AGBL4: variants seen among roughly 807,000 people sequenced by gnomAD.
AGBL4 encodes the protein cytosolic carboxypeptidase 6.
A neutral mutation model predicts 66.4 loss-of-function variants in AGBL4; 58 were observed. That is an observed-to-expected ratio of 0.87 (90% confidence interval 0.71 to 1.09). The LOEUF (loss-of-function observed/expected upper bound fraction) is 1.09, where lower values mean the gene tolerates loss of function less well. Ranked by LOEUF, AGBL4 falls within the 50% of genes least tolerant of loss-of-function variation. The pLI is 0.00. For synonymous variants in AGBL4, 234 were observed against 222.9 expected, an observed-to-expected ratio of 1.05 and a Z score of -0.44; for missense variants, 579 against 631.0, an observed-to-expected ratio of 0.92 and a Z score of 0.88.
chr1:49,374,944 G>C (rs1644441418), intron 3 of AGBL4, among the ~76,000 whole-genome samples: 1 of 152,192 alleles, frequency 6.6e-6, no homozygotes, highest in African/African-American at 2.4e-5. Context: ...AAATGTTATG[G>C]CAAAGGCAAT....
intron 3 of AGBL4, among the ~76,000 whole-genome samples, chr1:49,391,840 T>C (rs1209463094): frequency 2.6e-5 from 4 of 151,996 alleles, no homozygotes; most frequent in Non-Finnish European, 5.9e-5. Context: ...GGATTACAGG[T>C]GTGAGCCAAC....
rs1646857042 is a variant in AGBL4, at chr1:49,177,667, C to T, written c.377+68103G>A. Among the ~76,000 whole-genome samples the T allele has an allele frequency of 2.6e-5, 4 of 152,124 alleles. No individual in the cohort carries two copies. The South Asian group carries it at 8.3e-4, about 32-fold the overall frequency. On this transcript the variant is annotated intron_variant, in intron 4 of 13. Transcript: ENST00000371839. ...TTCTGCCTGGATGTGCTCTTTTGCA[C>T]AGGACTATTAAGATTATTAAGGCCA...
chr1:48,976,584 C>T (rs988396090), intron 5 of AGBL4, among the ~76,000 whole-genome samples: 3 of 152,158 alleles, frequency 2.0e-5, no homozygotes, highest in Non-Finnish European at 4.4e-5. Context: ...TGGTGTCCTA[C>T]ACAGCATTCA....
chr1:49,646,942 C>T (rs1444224465), intron 3 of AGBL4, among the ~76,000 whole-genome samples: 1 of 151,064 alleles, frequency 6.6e-6, no homozygotes, highest in Non-Finnish European at 1.5e-5. Context: ...ACAGATTGTG[C>T]TAAAACAGTA....
At chr1:49,918,400 G>A (rs1651810778) in intron 1 of AGBL4, among the ~76,000 whole-genome samples, 1 of 151,964 alleles carries the variant, frequency 6.6e-6, no homozygotes, top group Admixed American at 6.6e-5. Flanking sequence ...ATGATAAAGG[G>A]GATATCACCA....
At position 49,648,247 on chromosome 1, in the gene AGBL4, C is replaced by T. The variant is rs142481041; in HGVS notation, c.282+49066G>A. Among the ~76,000 whole-genome samples the T allele has an allele frequency of 8.0e-3, 1,216 of 151,688 alleles. 9 individuals carry two copies. The highest frequency in any genetic ancestry group is 0.031 in the Middle Eastern group (9 of 292). Reference sequence around the variant, plus strand: ...ATACTTTTAATGGGCTTAATATAGGCTGGACACAGCTGAGAAAAGAGCTTC... The same window carrying T: ...ATACTTTTAATGGGCTTAATATAGGTTGGACACAGCTGAGAAAAGAGCTTC... On this transcript the variant is annotated intron_variant, in intron 3 of 13. Coordinates refer to ENST00000371839, the MANE Select transcript of AGBL4 (RefSeq NM_032785.4).
intron 4 of AGBL4, among the ~76,000 whole-genome samples, chr1:49,179,811 C>T (rs1191727342): frequency 1.3e-5 from 2 of 152,210 alleles, no homozygotes; most frequent in African/African-American, 4.8e-5. Flanking sequence ...TTCAGGCTTT[C>T]AGCCACACTG....
At chr1:49,940,422 T>C (rs1303859578) in intron 1 of AGBL4, among the ~76,000 whole-genome samples, 1 of 152,204 alleles carries the variant, frequency 6.6e-6, no homozygotes, top group Non-Finnish European at 1.5e-5. Context: ...TGCGGCATTA[T>C]TCACAATAGC....
chr1:49,658,879 G>A lies in AGBL4; in HGVS notation c.282+38434C>T, dbSNP rs955668738. 1.2e-4 allele frequency among the ~76,000 whole-genome samples: 19 copies of A among 152,076 alleles called. 1 individual carries two copies. The highest frequency in any genetic ancestry group is 1.2e-3 in the East Asian group (6 of 5,142). ...GTTGTGGGGTGGGGGAATGGGGGGA[G>A]GGATAGCATTAGGAGATATACCTAA... On this transcript the variant is annotated intron_variant, in intron 3 of 13. Transcript: ENST00000371839.
At chr1:49,032,399 A>G (rs540808050) in intron 5 of AGBL4, among the ~76,000 whole-genome samples, 1 of 152,266 alleles carries the variant, frequency 6.6e-6, no homozygotes, top group Admixed American at 6.5e-5. Context: ...AATGACAAGG[A>G]GTGGCAGGGG....
At position 48,761,388 on chromosome 1, in the gene AGBL4, A is replaced by G. The variant is rs923580113; in HGVS notation, c.635-98147T>C. On this transcript the variant is annotated intron_variant, in intron 6 of 13. Transcript: ENST00000371839. ...CTTCCCCATAATCTTTAACCTCTCC[A>G]TCTTCTTCTACATGATTAAGAGAAA... is the stretch of plus-strand genomic sequence containing the variant. 10 of 1,551,704 alleles carry G rather than the reference A, an allele frequency of 6.4e-6. No homozygotes were observed. The Middle Eastern group carries it at 5.0e-4, about 77-fold the overall frequency.
chr1:49,421,703 T>C (rs1374515585), intron 3 of AGBL4, among the ~76,000 whole-genome samples: 1 of 152,202 alleles, frequency 6.6e-6, no homozygotes, highest in African/African-American at 2.4e-5. Flanking sequence ...TCTCTTTTAA[T>C]TCTACCTGTA....
chr1:49,377,683 A>G (rs553591081), intron 3 of AGBL4, among the ~76,000 whole-genome samples: 1 of 152,114 alleles, frequency 6.6e-6, no homozygotes, highest in Non-Finnish European at 1.5e-5. Flanking sequence ...GTAGAATATC[A>G]GCTTTTATAT....
At chr1:49,227,889 A>G (rs1312834780) in intron 4 of AGBL4, among the ~76,000 whole-genome samples, 1 of 152,068 alleles carries the variant, frequency 6.6e-6, no homozygotes, top group Non-Finnish European at 1.5e-5. Flanking sequence ...GTTCCTGTTC[A>G]AGAGTCTCCT....
intron 3 of AGBL4, among the ~76,000 whole-genome samples, chr1:49,471,227 T>G (rs557623703): frequency 1.3e-5 from 2 of 152,148 alleles, no homozygotes; most frequent in Admixed American, 6.5e-5. Context: ...TAAGTCATTA[T>G]GTTATTTTTG....
chr1:48,898,688 T>G (rs12047401), intron 5 of AGBL4, among the ~76,000 whole-genome samples: 74,202 of 151,958 alleles, frequency 0.49, 21,682 homozygotes, highest in Non-Finnish European at 0.67. Context: ...GTTTTAGGTA[T>G]TAGAGCTTTG....
At chr1:49,491,891 T>C (rs1406348685) in intron 3 of AGBL4, among the ~76,000 whole-genome samples, 1 of 151,970 alleles carries the variant, frequency 6.6e-6, no homozygotes, top group African/African-American at 2.4e-5. Context: ...AAACCCTGTA[T>C]ATATTATGTT....
At chr1:49,543,680 C>T (rs1020986127) in intron 3 of AGBL4, among the ~76,000 whole-genome samples, 31 of 152,116 alleles carry the variant, frequency 2.0e-4, no homozygotes, top group African/African-American at 7.2e-4. Flanking sequence ...CATTAGATTG[C>T]TAATCTCCTT....
At chr1:49,976,340 A>C (rs1658550658) in intron 1 of AGBL4, among the ~76,000 whole-genome samples, 1 of 152,160 alleles carries the variant, frequency 6.6e-6, no homozygotes. Context: ...GACCATATTA[A>C]TGGCTTCCCT....
Sources: gnomAD v4.1 joint callset for allele counts (sites outside exome capture counted in the v4.1 genomes callset) on GRCh38, gnomAD v4.1.1 for gene constraint, MANE v1.5 for transcripts, NCBI Gene and HGNC (gene_info 2026-07-23, HGNC 2026-07-21) for gene names.